RAB3IL1: variants seen among roughly 807,000 people sequenced by gnomAD.
RAB3IL1 encodes the protein RAB3A interacting protein like 1, also known as guanine nucleotide exchange factor for Rab-3A.
A neutral mutation model predicts 49.2 loss-of-function variants in RAB3IL1; 37 were observed. That is an observed-to-expected ratio of 0.75 (90% CI 0.58 to 0.99). The LOEUF is 0.99. RAB3IL1 is among the 50% of genes least tolerant of loss of function. The probability of loss-of-function intolerance (pLI) is 0.00; values close to 1 mark genes in which losing one functional copy is unlikely to be tolerated. For missense variants in RAB3IL1, 484 were observed against 513.0 expected (o/e 0.94, Z 0.55); for synonymous variants, 193 against 213.9 (o/e 0.90, Z 0.85).
the RAB3IL1 span, among the ~76,000 whole-genome samples, chr11:61,934,048 T>C: frequency 6.6e-6 from 1 of 152,096 alleles, no homozygotes; most frequent in South Asian, 2.1e-4. Context: ...GGAGACGAGG[T>C]CCCTGTTCTA....
At chr11:61,923,951 G>A (rs970076362), upstream of RAB3IL1, among the ~76,000 whole-genome samples, 1 of 152,212 alleles carries the variant, frequency 6.6e-6, no homozygotes, top group Non-Finnish European at 1.5e-5. Flanking sequence ...ACCAGGCCCA[G>A]GCCCCTCAGG....
chr11:61,911,580 C>T (rs1451286098), intron 1 of RAB3IL1, among the ~76,000 whole-genome samples: 2 of 152,194 alleles, frequency 1.3e-5, no homozygotes, highest in Non-Finnish European at 2.9e-5. Flanking sequence ...ACTTAATGTT[C>T]TGCTGCCCAG....
chr11:61,932,609 T>C, the RAB3IL1 span, among the ~76,000 whole-genome samples: 1 of 152,098 alleles, frequency 6.6e-6, no homozygotes, highest in East Asian at 1.9e-4. Flanking sequence ...CTAAGCTTTA[T>C]AGGGCTTACA....
At chr11:61,916,315 C>G (rs1168197807) in intron 1 of RAB3IL1, among the ~76,000 whole-genome samples, 3 of 151,726 alleles carry the variant, frequency 2.0e-5, no homozygotes, top group Non-Finnish European at 4.4e-5. Context: ...CACTGCACTC[C>G]AGCCTGGGTG....
At chr11:61,912,545 C>T (rs1443021641) in intron 1 of RAB3IL1, among the ~76,000 whole-genome samples, 6 of 152,196 alleles carry the variant, frequency 3.9e-5, no homozygotes, top group African/African-American at 2.4e-5. Flanking sequence ...CCTGGAAGCT[C>T]GGGACAATTG....
chr11:61,908,066 GTGCAGCTCCTCCTTCA>G lies in RAB3IL1; in HGVS notation c.236_251del (p.Leu79ProfsTer7). The G allele has an allele frequency of 6.2e-7, 1 of 1,611,168 alleles. No homozygotes were observed. The highest frequency in any genetic ancestry group is 8.5e-7 in the Non-Finnish European group (1 of 1,179,084). On this transcript the variant is annotated frameshift_variant, in exon 2 of 10. Transcript: ENST00000394836. LOFTEE classifies it high-confidence loss of function. The stretch of plus-strand genomic sequence containing the variant: ...TGCAGGCACCCACCTTCTGCGCTCT[GTGCAGCTCCTCCTTCA>G]GGAACTCGGAGCCCTTCTCTCGGAT...
intron 5 of RAB3IL1, among the ~76,000 whole-genome samples, chr11:61,905,124 G>A (rs886238039): frequency 6.6e-6 from 1 of 152,186 alleles, no homozygotes; most frequent in Non-Finnish European, 1.5e-5. Flanking sequence ...ATTTCTTGGC[G>A]CTACTGGATT....
At chr11:61,920,329 C>T, upstream of RAB3IL1, 1 of 1,121,250 alleles carries the variant, frequency 8.9e-7, no homozygotes, top group South Asian at 4.7e-5. Flanking sequence ...AGGGAGGCAC[C>T]ACCTCCCAGG....
intron 5 of RAB3IL1, among the ~76,000 whole-genome samples, chr11:61,905,431 C>CT (rs1939134586): frequency 6.6e-6 from 1 of 152,024 alleles, no homozygotes; most frequent in South Asian, 2.1e-4. Context: ...GAGGCAGGGG[C>CT]TGGGGGCTCC....
At chr11:61,925,066 C>T (rs553123716), upstream of RAB3IL1, among the ~76,000 whole-genome samples, 42 of 152,316 alleles carry the variant, frequency 2.8e-4, no homozygotes, top group African/African-American at 8.7e-4. Flanking sequence ...GATCTTTACG[C>T]GCAATCTCAG....
intron 1 of RAB3IL1, among the ~76,000 whole-genome samples, chr11:61,911,171 C>A (rs1213767490): frequency 6.6e-6 from 1 of 152,216 alleles, no homozygotes; most frequent in Non-Finnish European, 1.5e-5. Context: ...TCCAGGAGGC[C>A]TGTGACAGAG....
At chr11:61,911,265 T>C (rs963736884) in intron 1 of RAB3IL1, among the ~76,000 whole-genome samples, 4 of 152,146 alleles carry the variant, frequency 2.6e-5, no homozygotes, top group African/African-American at 9.7e-5. Flanking sequence ...ATGGGAACAG[T>C]GGGACCACCC....
At chr11:61,920,966 T>C (rs1428280246), upstream of RAB3IL1, among the ~76,000 whole-genome samples, 2 of 152,142 alleles carry the variant, frequency 1.3e-5, no homozygotes, top group African/African-American at 4.8e-5. Context: ...TTTTTTATTT[T>C]TTTTCTTTAT....
At chr11:61,924,966 CAT>C (rs1484502455), upstream of RAB3IL1, among the ~76,000 whole-genome samples, 3 of 152,212 alleles carry the variant, frequency 2.0e-5, no homozygotes, top group African/African-American at 7.2e-5. Flanking sequence ...GGGGGGAAAA[CAT>C]GACTAGTGGA....
At chr11:61,934,315 A>AATATAT in the RAB3IL1 span, among the ~76,000 whole-genome samples, 20 of 45,908 alleles carry the variant, frequency 4.4e-4, no homozygotes, top group Admixed American at 2.0e-3. Context: ...GGCCTGAGTA[A>AATATAT]ATATACACAC....
rs1317563164 is a variant in RAB3IL1, at chr11:61,901,006, A to AACAC, written c.999+1432_999+1435dup. 6.6e-5 allele frequency among the ~76,000 whole-genome samples: 10 copies of AACAC among 151,504 alleles called. No individual in the cohort carries two copies. In the South Asian group the frequency reaches 2.1e-3, roughly 32 times the overall value. On this transcript the variant is annotated intron_variant, in intron 8 of 9. Transcript: ENST00000394836. ...TCCCAGGTCTCGGTGTGTGGCCCTG[A>AACAC]ACACACCCCTTTCCTCTGCCAAGGC...
Position 61,908,322 on chromosome 11 carries a change from G to T in RAB3IL1, c.12-16C>A. On this transcript the variant is annotated splice_polypyrimidine_tract_variant and intron_variant, in intron 1 of 9. Coordinates refer to ENST00000394836, the MANE Select transcript of RAB3IL1 (RefSeq NM_013401.4). ...CTGGGGTGGGCTGGAGACAAACAAGGGTATCAGCAGGTTCAGGGTGGGGTC... is the reference window on the plus strand; with the variant it reads ...CTGGGGTGGGCTGGAGACAAACAAGTGTATCAGCAGGTTCAGGGTGGGGTC... The T allele has an allele frequency of 1.0e-5, 15 of 1,453,876 alleles. No homozygotes were observed. Among genetic ancestry groups the T allele is most frequent in the Non-Finnish European group, 1.4e-5 (15 of 1,107,582 alleles). 90.1% of individuals were successfully genotyped at this position (1,453,876 alleles called of 1,614,324 possible).
At chr11:61,929,202 T>C in the RAB3IL1 span, among the ~76,000 whole-genome samples, 1 of 152,182 alleles carries the variant, frequency 6.6e-6, no homozygotes, top group South Asian at 2.1e-4. Context: ...TATTTTGACA[T>C]ATATGATAAG....
At chr11:61,934,356 G>GTA in the RAB3IL1 span, among the ~76,000 whole-genome samples, 1 of 66,446 alleles carries the variant, frequency 1.5e-5, no homozygotes, top group East Asian at 3.1e-4. Flanking sequence ...ACACACATAT[G>GTA]TATATATATA....
Sources: allele counts gnomAD v4.1 joint callset (sites outside exome capture counted in the v4.1 genomes callset), GRCh38; gene constraint gnomAD v4.1.1; transcripts MANE v1.5; gene names NCBI Gene and HGNC (gene_info 2026-07-23, HGNC 2026-07-21).